FHIP1B: variants seen among roughly 807,000 people sequenced by gnomAD.
FHIP1B encodes the protein FHF complex subunit HOOK interacting protein 1B.
Under a neutral mutation model 82.2 loss-of-function variants are expected in FHIP1B, and 28 were observed. That is an observed-to-expected ratio of 0.34 (90% CI 0.25 to 0.47). FHIP1B has a LOEUF of 0.47. Ranked by LOEUF, FHIP1B falls within the 20% of genes least tolerant of loss-of-function variation. FHIP1B has a pLI of 1.00. For missense variants in FHIP1B, 1,110 were observed against 1,262.6 expected, an observed-to-expected ratio of 0.88 and a Z score of 1.83; for synonymous variants, 585 against 516.1, an observed-to-expected ratio of 1.13 and a Z score of -1.81.
At position 6,223,044 on chromosome 11, in the gene FHIP1B, C is replaced by G. The variant is rs745831698; in HGVS notation, c.936+36G>C. ...GAATATACCCCCTCCTACCTAATCT[C>G]CCAAAAATGACCAAGGGCCAGACTT... On this transcript the variant is annotated intron_variant, in intron 4 of 11. Coordinates refer to ENST00000449352, the MANE Select transcript of FHIP1B (RefSeq NM_001098794.2). This position sits in a 1 kb window ranked among gnomAD's most constrained non-coding sequence, Gnocchi z 4.8. The G allele has an allele frequency of 1.3e-6, 2 of 1,570,946 alleles. No homozygotes were observed. Among genetic ancestry groups the G allele is most frequent in the East Asian group, 4.5e-5 (2 of 44,560 alleles).
intron 1 of FHIP1B, among the ~76,000 whole-genome samples, chr11:6,225,527 T>A (rs955704546): frequency 2.0e-5 from 3 of 152,214 alleles, no homozygotes; most frequent in Non-Finnish European, 4.4e-5. Flanking sequence ...TTCCCCACAT[T>A]AGGTAGCTTC....
Position 6,217,953 on chromosome 11 carries a change from C to T in FHIP1B, c.1633G>A (p.Gly545Arg), listed in dbSNP as rs1847290493. ...TCCAGGTAATTGTCTTCCAGCTCTCCAGGCTCCTCTGCAGGGGTAGGCCGT... is the reference window on the plus strand; with the variant it reads ...TCCAGGTAATTGTCTTCCAGCTCTCTAGGCTCCTCTGCAGGGGTAGGCCGT... ...GRRPTPAEEP[G>R]ELEDNYLEYL... is the part of the protein sequence containing the mutation. Residue 545 changes from glycine to arginine, a missense_variant, in exon 9 of 12, where the codon GGA (glycine) becomes AGA (arginine). Gly to Arg is a moderately radical substitution (Grantham distance 125, BLOSUM62 -2). Transcript: ENST00000449352. The T allele has an allele frequency of 1.2e-6, 2 of 1,612,984 alleles. No homozygotes were observed. The highest frequency in any genetic ancestry group is 2.2e-5 in the East Asian group (1 of 44,884).
rs1352036839 is a variant in FHIP1B, at chr11:6,214,746, T to C, written c.2381A>G (p.Lys794Arg). The C allele has an allele frequency of 6.3e-7, 1 of 1,582,850 alleles. No individual in the cohort carries two copies. The highest frequency in any genetic ancestry group is 1.8e-5 in the Admixed American group (1 of 56,718). Residue 794 changes from lysine to arginine, a missense_variant, in exon 10 of 12, where the codon AAG (lysine) becomes AGG (arginine). By Grantham distance (26) the Lys-to-Arg change is conservative. This residue lies in a region of FHIP1B where 39 missense variants were observed against 79.6 expected (regional missense o/e 0.49). Coordinates refer to ENST00000449352, the MANE Select transcript of FHIP1B (RefSeq NM_001098794.2). ...TGCATCGCACACCTGCAGCAGGGACTTGACACTGGGCTGGAAGACCATGTT... is the reference window on the plus strand; with the variant it reads ...TGCATCGCACACCTGCAGCAGGGACCTGACACTGGGCTGGAAGACCATGTT... ...NTNMVFQPSVKSLLQVLGSVK... is the reference protein window; with the variant it reads ...NTNMVFQPSVRSLLQVLGSVK...
chr11:6,232,328 G>C (rs1300671069), intron 1 of FHIP1B, among the ~76,000 whole-genome samples: 3 of 152,194 alleles, frequency 2.0e-5, no homozygotes, highest in Admixed American at 6.5e-5. Flanking sequence ...CCACTATCAA[G>C]ATGTGATCCA....
intron 1 of FHIP1B, among the ~76,000 whole-genome samples, chr11:6,234,102 G>A (rs1382582682): frequency 6.6e-6 from 1 of 152,060 alleles, no homozygotes. Flanking sequence ...GGAGGCCTCA[G>A]AACCAACCTC....
In FHIP1B at chr11:6,211,569, C is replaced by T. The variant is rs375970911; in HGVS notation, c.2856G>A (p.Leu952=). The change falls in exon 12 of 12, where the codon TTG becomes TTA. Residue 952 remains leucine (L), a synonymous_variant. Coordinates refer to ENST00000449352, the MANE Select transcript of FHIP1B (RefSeq NM_001098794.2). Reference sequence around the variant, plus strand: ...CAGATCCTTCCTCTGAAGTCTCCAACAAGAAAGGCGAGGTGACGGCATGAG... The same window carrying T: ...CAGATCCTTCCTCTGAAGTCTCCAATAAGAAAGGCGAGGTGACGGCATGAG... ...SQAHAVTSPF[L]LETSEEGSGP... 8.7e-5 allele frequency: 140 copies of T among 1,613,868 alleles called. No individual in the cohort carries two copies. Among genetic ancestry groups the T allele is most frequent in the Non-Finnish European group, 9.3e-5 (110 of 1,179,920 alleles).
At chr11:6,219,468 C>G (rs1414298572) in intron 6 of FHIP1B, among the ~76,000 whole-genome samples, 2 of 152,174 alleles carry the variant, frequency 1.3e-5, no homozygotes, top group African/African-American at 4.8e-5. Flanking sequence ...AATACAGTAA[C>G]TGAATGCCTA....
chr11:6,220,502 G>A (rs770001934), intron 6 of FHIP1B, among the ~76,000 whole-genome samples: 8 of 152,152 alleles, frequency 5.3e-5, no homozygotes, highest in Non-Finnish European at 1.2e-4. Context: ...AACACAGGCT[G>A]GTTAGCCAAA....
chr11:6,225,389 C>T (rs747925107), intron 1 of FHIP1B, among the ~76,000 whole-genome samples: 5 of 152,234 alleles, frequency 3.3e-5, no homozygotes, highest in Admixed American at 1.3e-4. Flanking sequence ...TTCAAATCAT[C>T]TCCCCAGATA....
intron 9 of FHIP1B, 109 bp downstream of exon 9, chr11:6,217,262 A>T: frequency 1.1e-6 from 1 of 951,708 alleles, no homozygotes; most frequent in Non-Finnish European, 1.7e-6. Flanking sequence ...ATGAGGGGCT[A>T]GGCAAGTACA....
rs1431843942 is a variant in FHIP1B, at chr11:6,211,683, G to A, written c.2742C>T (p.Arg914=). The change falls in exon 12 of 12, where the codon CGC becomes CGT. Residue 914 remains arginine, a synonymous_variant. Transcript: ENST00000449352. ...TCTTGACTCGAAGAGCCTCACCTTG[G>A]CGTTCAGGGGCCCCGCCCCGGGTGA... The part of the protein sequence containing the change: ...VLLTRGGAPE[R]QGEALRVKNA... 6 of 1,614,044 alleles carry A rather than the reference G, an allele frequency of 3.7e-6. No individual in the cohort carries two copies. The highest frequency in any genetic ancestry group is 5.1e-6 in the Non-Finnish European group (6 of 1,180,028).
chr11:6,214,034 GAAA>G (rs59502569), intron 11 of FHIP1B, among the ~76,000 whole-genome samples: 153 of 36,630 alleles, frequency 4.2e-3, no homozygotes, highest in African/African-American at 0.016. Flanking sequence ...GACCTCTCCT[GAAA>G]AAAAAAAAAA....
intron 1 of FHIP1B, among the ~76,000 whole-genome samples, chr11:6,226,178 C>G (rs1847559539): frequency 6.6e-6 from 1 of 152,174 alleles, no homozygotes; most frequent in Admixed American, 6.5e-5. Context: ...TCTCCCTTCA[C>G]CCAGATACTC....
chr11:6,217,254 G>T (rs1360304196), intron 9 of FHIP1B, 117 bp downstream of exon 9: 2 of 883,814 alleles, frequency 2.3e-6, no homozygotes, highest in Non-Finnish European at 3.7e-6. Context: ...CAGGATGGAT[G>T]AGGGGCTAGG....
At position 6,214,430 on chromosome 11, in the gene FHIP1B, T is replaced by G; in HGVS notation, c.2538A>C (p.Pro846=). Reference sequence around the variant, plus strand: ...CCTCACCTAGGGGATCAGAACGGCGTGGGGCAGGTCCTGCTGCAGGGCCCT... The same window carrying G: ...CCTCACCTAGGGGATCAGAACGGCGGGGGGCAGGTCCTGCTGCAGGGCCCT... ...WAEGPAAGPA[P]RRSDPLVKSR... The change falls in exon 11 of 12, where the codon CCA becomes CCC. Residue 846 remains proline (P), a synonymous_variant. Coordinates refer to ENST00000449352, the MANE Select transcript of FHIP1B (RefSeq NM_001098794.2). 6.2e-7 allele frequency: 1 copy of G among 1,612,386 alleles called. No individual in the cohort carries two copies. Among genetic ancestry groups the G allele is most frequent in the South Asian group, 1.1e-5 (1 of 90,930 alleles).
At position 6,224,683 on chromosome 11, in the gene FHIP1B, C is replaced by T. The variant is rs1325520344; in HGVS notation, c.-167G>A. 7.9e-6 allele frequency: 5 copies of T among 631,948 alleles called. No individual in the cohort carries two copies. Among genetic ancestry groups the T allele is most frequent in the African/African-American group, 7.4e-5 (4 of 54,328 alleles). The allele number at this position is 631,948 out of a possible 1,614,324, so 39.1% of individuals were successfully genotyped here. ...AGGCTGGAATGGCAAGCCCAGAGGT[C>T]ACTGGCCAGTCCAGATTTCTAAATC... On this transcript the variant is annotated 5_prime_UTR_variant, in exon 2 of 12. Coordinates refer to ENST00000449352, the MANE Select transcript of FHIP1B (RefSeq NM_001098794.2).
chr11:6,231,965 A>G (rs1036077887), intron 1 of FHIP1B, among the ~76,000 whole-genome samples: 15 of 152,230 alleles, frequency 9.9e-5, no homozygotes, highest in Non-Finnish European at 1.3e-4. Context: ...AGCACAGACT[A>G]TATGTTGAAG....
intron 6 of FHIP1B, among the ~76,000 whole-genome samples, chr11:6,219,402 C>T (rs1449428880): frequency 1.3e-5 from 2 of 152,200 alleles, no homozygotes; most frequent in Admixed American, 6.5e-5. Flanking sequence ...GAATGACTAA[C>T]AGGAGACAAC....
chr11:6,214,376 G>T (rs1474270936), intron 11 of FHIP1B, 35 bp downstream of exon 11: 1 of 1,567,828 alleles, frequency 6.4e-7, no homozygotes, highest in Non-Finnish European at 8.7e-7. Context: ...GCTATCTAGG[G>T]AGGGCAGGTA....
Sources: gnomAD v4.1 joint callset for allele counts (sites outside exome capture counted in the v4.1 genomes callset) on GRCh38, gnomAD v4.1.1 for gene constraint, gnomAD v4.1.1 regional missense constraint, Gnocchi (gnomAD v3.1) non-coding constraint, MANE v1.5 for transcripts, NCBI Gene and HGNC (gene_info 2026-07-23, HGNC 2026-07-21) for gene names.